The following PAGE2B variants were observed in gnomAD, a reference collection of about 807,000 sequenced individuals.
PAGE2B encodes the protein PAGE family member 2B, also known as putative G antigen family E member 3.
In PAGE2B, 5 loss-of-function variants were observed where a neutral mutation model predicts 7.6. The observed-to-expected ratio is 0.66, with a 90% confidence interval of 0.34 to 1.38. The LOEUF (loss-of-function observed/expected upper bound fraction) is 1.38. Ranked by LOEUF, PAGE2B falls within the 40% of genes most tolerant of loss-of-function variation. The probability of loss-of-function intolerance (pLI) is 0.04; values close to 1 mark genes in which losing one functional copy is unlikely to be tolerated. For synonymous variants in PAGE2B, 29 were observed against 26.7 expected, an observed-to-expected ratio of 1.09 and a Z score of -0.27; for missense variants, 70 against 78.4, an observed-to-expected ratio of 0.89 and a Z score of 0.41.
At chrX:55,036,767 C>T in the PAGE2B span, among the ~76,000 whole-genome samples, 5 of 109,419 alleles carry the variant, frequency 4.6e-5, no homozygotes, top group Non-Finnish European at 7.5e-5. Context: ...ACCATCTGAT[C>T]TTTGACAAAC....
the PAGE2B span, among the ~76,000 whole-genome samples, chrX:55,060,927 G>A: frequency 9.0e-6 from 1 of 110,948 alleles, no homozygotes; most frequent in South Asian, 3.8e-4. Context: ...CTGTTCAACT[G>A]TTGGGAGTAG....
chrX:55,070,698 T>C (rs1281987726), upstream of PAGE2B, among the ~76,000 whole-genome samples: 1 of 111,932 alleles, frequency 8.9e-6, no homozygotes, highest in Admixed American at 9.5e-5. Flanking sequence ...AAGAACTTGC[T>C]TTATGGATCT....
chrX:55,029,121 C>T, the PAGE2B span, among the ~76,000 whole-genome samples: 1 of 111,572 alleles, frequency 9.0e-6, no homozygotes, highest in African/African-American at 3.3e-5. Context: ...TTATTTTCTC[C>T]ATTTCCCATG....
the PAGE2B span, among the ~76,000 whole-genome samples, chrX:55,038,430 T>C: frequency 8.9e-6 from 1 of 112,311 alleles, no homozygotes; most frequent in African/African-American, 3.2e-5. Context: ...TCGTTATATT[T>C]ACTCTCAATA....
chrX:55,071,868 T>A (rs1936453108), upstream of PAGE2B, among the ~76,000 whole-genome samples: 1 of 112,214 alleles, frequency 8.9e-6, no homozygotes, highest in African/African-American at 3.2e-5. Context: ...TATGTATGCT[T>A]CATGAAGATG....
the PAGE2B span, among the ~76,000 whole-genome samples, chrX:55,053,411 G>C: frequency 8.9e-6 from 1 of 111,761 alleles, no homozygotes; most frequent in East Asian, 2.8e-4. Context: ...AATAGCTAAT[G>C]CATGCAGGGC....
At chrX:55,030,571 C>G in the PAGE2B span, among the ~76,000 whole-genome samples, 1 of 110,165 alleles carries the variant, frequency 9.1e-6, no homozygotes, top group Non-Finnish European at 1.9e-5. Flanking sequence ...GACAGAAACA[C>G]AGAGACGGAG....
chrX:55,070,414 C>G (rs1212440675), upstream of PAGE2B, among the ~76,000 whole-genome samples: 1 of 111,389 alleles, frequency 9.0e-6, no homozygotes, highest in Non-Finnish European at 1.9e-5. Flanking sequence ...TTTGTTATAT[C>G]TGTTCTTTTG....
the PAGE2B span, among the ~76,000 whole-genome samples, chrX:55,028,528 A>G: frequency 1.8e-5 from 2 of 111,808 alleles, 1 homozygote; most frequent in South Asian, 7.6e-4. Context: ...TACCTCCTGT[A>G]TATAAAAACA....
chrX:55,075,871 CTTAG>C (rs1391278755), intron 1 of PAGE2B, among the ~76,000 whole-genome samples, 159 bp from the exon 2 acceptor site: 1 of 111,490 alleles, frequency 9.0e-6, no homozygotes, highest in Non-Finnish European at 1.9e-5. Context: ...CAAATCTGTC[CTTAG>C]TTTGATTGGA....
intron 4 of PAGE2B, among the ~76,000 whole-genome samples, chrX:55,077,731 T>C (rs891661083): frequency 8.9e-6 from 1 of 112,747 alleles, no homozygotes; most frequent in Admixed American, 9.3e-5. Flanking sequence ...TCCAGCACTT[T>C]GGGAGGCCGA....
At chrX:55,068,016 C>T in the PAGE2B span, among the ~76,000 whole-genome samples, 2 of 112,404 alleles carry the variant, frequency 1.8e-5, no homozygotes. Flanking sequence ...TGCCTGTTCA[C>T]TCTGATGACA....
chrX:55,075,026 C>CGGG (rs1390945059), upstream of PAGE2B: 1 of 114,862 alleles, frequency 8.7e-6, no homozygotes, highest in African/African-American at 3.2e-5. Context: ...GCCTTGCTGC[C>CGGG]CGCCTTCTGT....
At chrX:55,064,995 G>T in the PAGE2B span, among the ~76,000 whole-genome samples, 2 of 111,125 alleles carry the variant, frequency 1.8e-5, no homozygotes, top group African/African-American at 6.6e-5. Flanking sequence ...AATGATCCAT[G>T]CGCTAAGGAA....
At chrX:55,073,723 T>C (rs1936473077), upstream of PAGE2B, among the ~76,000 whole-genome samples, 1 of 112,052 alleles carries the variant, frequency 8.9e-6, no homozygotes. Context: ...TGTTTTGTAG[T>C]TCTCATAGTG....
intron 3 of PAGE2B, among the ~76,000 whole-genome samples, chrX:55,077,195 A>T (rs950872868): frequency 8.9e-6 from 1 of 112,141 alleles, no homozygotes; most frequent in African/African-American, 3.2e-5. Flanking sequence ...TACAAAAGGG[A>T]CAAGTAAGTT....
At chrX:55,077,709 C>T (rs1455192009) in intron 4 of PAGE2B, among the ~76,000 whole-genome samples, 185 bp downstream of exon 4, 1 of 112,698 alleles carries the variant, frequency 8.9e-6, no homozygotes, top group African/African-American at 3.3e-5. Context: ...TGTGGTGGCT[C>T]ATGCTGTTAA....
the PAGE2B span, among the ~76,000 whole-genome samples, chrX:55,033,206 C>A: frequency 4.5e-5 from 5 of 111,820 alleles, no homozygotes; most frequent in Non-Finnish European, 5.6e-5. Context: ...TCTGCCTGTA[C>A]CCAGAAAAGG....
chrX:55,074,528 A>G (rs1169466792), upstream of PAGE2B, among the ~76,000 whole-genome samples: 1 of 111,985 alleles, frequency 8.9e-6, no homozygotes, highest in Admixed American at 9.4e-5. Flanking sequence ...GATTCAACAA[A>G]TAATGTTGAG....
Sources: gnomAD v4.1 joint callset for allele counts (sites outside exome capture counted in the v4.1 genomes callset) on GRCh38, gnomAD v4.1.1 for gene constraint, MANE v1.5 for transcripts, NCBI Gene and HGNC (gene_info 2026-07-23, HGNC 2026-07-21) for gene names.